Variants in WRN observed in about 807,000 individuals in gnomAD.
WRN encodes the protein WRN RecQ like helicase.
A neutral mutation model predicts 180.7 loss-of-function variants in WRN; 149 were observed. That is an observed-to-expected ratio of 0.82 (90% CI 0.72 to 0.94). WRN has a LOEUF of 0.94. Among genes scored for constraint, WRN ranks in the 40% least tolerant of loss-of-function variants. The pLI, the probability that WRN is intolerant of heterozygous loss-of-function variation, is 0.00. For synonymous variants in WRN, 548 were observed against 568.9 expected (o/e 0.96, Z 0.52); for missense variants, 1,661 against 1,700.1 (o/e 0.98, Z 0.40).
Position 31,173,020 on chromosome 8 carries a change from G to T in WRN, c.4217G>T (p.Arg1406Leu). The T allele has an allele frequency of 6.2e-7, 1 of 1,613,894 alleles. No individual in the cohort carries two copies. The highest frequency in any genetic ancestry group is 8.5e-7 in the Non-Finnish European group (1 of 1,179,922). ...ACTTCATCTGCAGAGAGAAAGAGAC[G>T]ATTACCTGTGTGGTTTGCCAAAGGA... ...TETSSAERKRRLPVWFAKGSD... is the reference protein window; with the variant it reads ...TETSSAERKRLLPVWFAKGSD... Residue 1406 changes from arginine (R) to leucine (L), a missense_variant, in exon 35 of 35, where the codon CGA becomes CTA. Arg to Leu is a moderately radical substitution (Grantham distance 102). Coordinates refer to ENST00000298139, the MANE Select transcript of WRN (RefSeq NM_000553.6).
At position 31,106,212 on chromosome 8, in the gene WRN, T is replaced by C. The variant is rs183499134; in HGVS notation, c.2088+5257T>C. 9.9e-5 allele frequency among the ~76,000 whole-genome samples: 15 copies of C among 152,270 alleles called. 1 individual carries two copies. The highest frequency in any genetic ancestry group is 9.8e-4 in the Admixed American group (15 of 15,282). The stretch of plus-strand genomic sequence containing the variant: ...TATATGCAGAATTAAATCACTTCTC[T>C]CTTGATCCCTGCCATTCCCCAGGTA... On this transcript the variant is annotated intron_variant, in intron 18 of 34. Transcript: ENST00000298139.
chr8:31,077,318 G>A (rs2130100452), intron 8 of WRN, among the ~76,000 whole-genome samples: 1 of 152,224 alleles, frequency 6.6e-6, no homozygotes, highest in South Asian at 2.1e-4. Flanking sequence ...TCAGGTCACT[G>A]CAAGCTCCGC....
intron 23 of WRN, 67 bp from the exon 24 acceptor site, chr8:31,132,298 A>C (rs1802210278): frequency 1.5e-5 from 24 of 1,556,392 alleles, no homozygotes; most frequent in Non-Finnish European, 2.0e-5. Flanking sequence ...TGTTATGCTA[A>C]ATCTTTTGAT....
chr8:31,034,119 C>T (rs1364359134), intron 1 of WRN, 146 bp downstream of exon 1: 1 of 152,272 alleles, frequency 6.6e-6, no homozygotes, highest in Non-Finnish European at 1.5e-5. Context: ...CAGACTTTCT[C>T]CCTTTTCCTT....
chr8:31,049,210 C>CAAAAAAAAA (rs72226104), intron 1 of WRN, among the ~76,000 whole-genome samples: 18 of 31,798 alleles, frequency 5.7e-4, no homozygotes, highest in Non-Finnish European at 7.6e-4. Context: ...GACTCTGTCT[C>CAAAAAAAAA]AAAAAAAAAA....
At chr8:31,079,676 A>G (rs540541839) in intron 8 of WRN, among the ~76,000 whole-genome samples, 4 of 152,322 alleles carry the variant, frequency 2.6e-5, no homozygotes, top group African/African-American at 9.6e-5. Flanking sequence ...CATCTTATCC[A>G]TAGTTTCTCA....
chr8:31,073,790 AC>A (rs898840926), intron 7 of WRN, among the ~76,000 whole-genome samples: 1 of 152,180 alleles, frequency 6.6e-6, no homozygotes, highest in Non-Finnish European at 1.5e-5. Context: ...TTCTGAAGCC[AC>A]CTGAAGAAAA....
chr8:31,053,449 A>ACCTT (rs1812151144), intron 1 of WRN, among the ~76,000 whole-genome samples: 1 of 152,210 alleles, frequency 6.6e-6, no homozygotes, highest in South Asian at 2.1e-4. Context: ...CTCCTACAGT[A>ACCTT]CCTTCTTTTC....
At chr8:31,091,945 G>T in intron 16 of WRN, 47 bp downstream of exon 16, 2 of 1,557,362 alleles carry the variant, frequency 1.3e-6, no homozygotes, top group Non-Finnish European at 1.8e-6. Context: ...TTATGGGGGT[G>T]CATATGCAAG....
chr8:31,143,615 TA>T lies in WRN; in HGVS notation c.3382del (p.Ser1128ValfsTer34), dbSNP rs778872619. The T allele has an allele frequency of 1.1e-5, 18 of 1,582,278 alleles. No individual in the cohort carries two copies. Among genetic ancestry groups the T allele is most frequent in the Non-Finnish European group, 1.5e-5 (17 of 1,152,516 alleles). On this transcript the variant is annotated frameshift_variant, in exon 28 of 35. Transcript: ENST00000298139. LOFTEE classifies it high-confidence loss of function. Reference sequence around the variant, plus strand: ...AGATTTCTTCTGGGAGTAACATTTCTAAAAAAAGGTACAGAGTTCCATATTT... The same window carrying T: ...AGATTTCTTCTGGGAGTAACATTTCTAAAAAAGGTACAGAGTTCCATATTT... ...DKISSGSNIS[K>X]KSIMVQSPEK...
intron 1 of WRN, among the ~76,000 whole-genome samples, chr8:31,039,973 C>T (rs1186934320): frequency 3.3e-5 from 5 of 152,076 alleles, no homozygotes; most frequent in African/African-American, 1.2e-4. Flanking sequence ...TGAGCATAGG[C>T]CATAGGGAAA....
chr8:31,048,098 G>A (rs1016731789), intron 1 of WRN, among the ~76,000 whole-genome samples: 1 of 152,056 alleles, frequency 6.6e-6, no homozygotes, highest in African/African-American at 2.4e-5. Context: ...TATAATATTT[G>A]ACAGTTAGGA....
In WRN at chr8:31,116,295, C is replaced by T. The variant is rs11574304; in HGVS notation, c.2274-59C>T. ...AAGAATTAAATAAGATAAAACCAAA[C>T]GGGTCTGAAGCATGTATAAAGTATA... is the stretch of plus-strand genomic sequence containing the variant. On this transcript the variant is annotated intron_variant, in intron 19 of 34. Transcript: ENST00000298139. 111,214 of 1,562,548 alleles carry T rather than the reference C, an allele frequency of 0.071. 4,435 individuals are homozygous for T. The highest frequency in any genetic ancestry group is 0.082 in the Non-Finnish European group (93,968 of 1,143,466).
Position 31,143,551 on chromosome 8 carries a change from C to A in WRN, c.3311C>A (p.Ser1104Tyr). Residue 1104 changes from serine to tyrosine, a missense_variant and splice_region_variant, in exon 28 of 35, where the codon TCT (serine) becomes TAT (tyrosine). This residue lies in a region of WRN where 1,141 missense variants were observed against 1,149.4 expected (regional missense o/e 0.99). Transcript: ENST00000298139. ...GGACCTTTATATGTTTAAATGCAGT[C>A]TAACTTGGAGAAGTTATATTCTTAT... Reference protein sequence around the residue: ...VPVELSTEKKSNLEKLYSYKP... With the variant: ...VPVELSTEKKYNLEKLYSYKP... 6.3e-7 allele frequency: 1 copy of A among 1,583,196 alleles called. No individual in the cohort carries two copies.
chr8:31,036,073 A>G (rs938433387), intron 1 of WRN, among the ~76,000 whole-genome samples: 1 of 152,136 alleles, frequency 6.6e-6, no homozygotes, highest in Non-Finnish European at 1.5e-5. Flanking sequence ...CCTCAATGAC[A>G]TCAAATTTTT....
intron 24 of WRN, among the ~76,000 whole-genome samples, chr8:31,136,525 T>C (rs1172354794): frequency 1.3e-5 from 2 of 152,182 alleles, no homozygotes; most frequent in Non-Finnish European, 2.9e-5. Context: ...TGCTGTAACA[T>C]ACAGTTTTAA....
At chr8:31,122,860 G>GTTTTTTTTTTGTT (rs1801774508) in intron 21 of WRN, among the ~76,000 whole-genome samples, 1 of 69,478 alleles carries the variant, frequency 1.4e-5, no homozygotes, top group Non-Finnish European at 2.6e-5. Context: ...TTCTTTTCTT[G>GTTTTTTTTTTGTT]TTTTTTTTTT....
At position 31,111,649 on chromosome 8, in the gene WRN, C is replaced by T. The variant is rs11574289; in HGVS notation, c.2123C>T (p.Ser708Phe). Residue 708 changes from serine to phenylalanine, a missense_variant, in exon 19 of 35, where the codon TCT becomes TTT. This residue lies in a region of WRN where 1,141 missense variants were observed against 1,149.4 expected (regional missense o/e 0.99). Coordinates refer to ENST00000298139, the MANE Select transcript of WRN (RefSeq NM_000553.6). ...GTTGCACTTACTGCTACTGCAAGTTCTTCAATCCGGGAAGACATTGTACGT... is the reference window on the plus strand; with the variant it reads ...GTTGCACTTACTGCTACTGCAAGTTTTTCAATCCGGGAAGACATTGTACGT... ...PIVALTATAS[S>F]SIREDIVRCL... The T allele has an allele frequency of 2.5e-6, 4 of 1,613,928 alleles. No homozygotes were observed. In the African/African-American group the frequency reaches 5.3e-5, roughly 22 times the overall value.
At chr8:31,172,354 T>A (rs1461312833) in intron 34 of WRN, among the ~76,000 whole-genome samples, 1 of 152,162 alleles carries the variant, frequency 6.6e-6, no homozygotes, top group Non-Finnish European at 1.5e-5. Flanking sequence ...GGTTAGAGGC[T>A]CTTTGGCACG....
Sources: gnomAD v4.1 joint callset for allele counts (sites outside exome capture counted in the v4.1 genomes callset) on GRCh38, gnomAD v4.1.1 for gene constraint, gnomAD v4.1.1 regional missense constraint, MANE v1.5 for transcripts, NCBI Gene and HGNC (gene_info 2026-07-23, HGNC 2026-07-21) for gene names.